Variants in ANKRD17 observed in about 807,000 individuals in gnomAD.
ANKRD17 encodes the protein ankyrin repeat domain 17, also known as ankyrin repeat domain-containing protein 17.
ANKRD17 carries 19 observed loss-of-function variants against 229.7 expected under a neutral mutation model. The observed-to-expected ratio is 0.08, with a 90% CI of 0.06 to 0.12. The LOEUF is 0.12. Ranked by LOEUF, ANKRD17 falls within the 10% of genes least tolerant of loss-of-function variation. The probability of loss-of-function intolerance (pLI) is 1.00; values close to 1 mark genes in which losing one functional copy is unlikely to be tolerated. For synonymous variants in ANKRD17, 1,112 were observed against 1,146.1 expected (o/e 0.97, Z 0.60); for missense variants, 2,176 against 3,176.8 (o/e 0.68, Z 7.57).
At chr4:73,195,698 G>A (rs1260242941) in intron 1 of ANKRD17, among the ~76,000 whole-genome samples, 2 of 151,992 alleles carry the variant, frequency 1.3e-5, no homozygotes, top group Non-Finnish European at 2.9e-5. Context: ...TAGTAGACAG[G>A]GGGTTTCACC....
At chr4:73,118,875 A>ATTTT in intron 21 of ANKRD17, 25 bp from the exon 22 acceptor site, 1 of 1,028,024 alleles carries the variant, frequency 9.7e-7, no homozygotes, top group South Asian at 1.5e-5. Flanking sequence ...CACAGATAGC[A>ATTTT]TTGTCTTTTT....
chr4:73,096,280 A>G (rs1473172582), intron 27 of ANKRD17, among the ~76,000 whole-genome samples: 1 of 152,202 alleles, frequency 6.6e-6, no homozygotes, highest in African/African-American at 2.4e-5. Flanking sequence ...ACAAAAACCA[A>G]ATTATCTTAT....
At chr4:73,254,730 T>G (rs1044445756) in intron 1 of ANKRD17, among the ~76,000 whole-genome samples, 7 of 150,466 alleles carry the variant, frequency 4.7e-5, no homozygotes, top group Non-Finnish European at 8.8e-5. Context: ...ATCAGACTGT[T>G]GCACTCCAGC....
chr4:73,090,612 T>C, intron 29 of ANKRD17, 55 bp downstream of exon 29: 1 of 1,598,548 alleles, frequency 6.3e-7, no homozygotes, highest in Non-Finnish European at 8.5e-7. Context: ...ACCAAGAATT[T>C]TCACATCACT....
At chr4:73,155,572 AATC>A (rs537010537) in intron 5 of ANKRD17, 56 bp downstream of exon 5, 16,279 of 1,588,852 alleles carry the variant, frequency 0.01, 98 homozygotes, top group Non-Finnish European at 0.013. Context: ...TTTCATGCAA[AATC>A]ATTATTACCA....
intron 2 of ANKRD17, among the ~76,000 whole-genome samples, chr4:73,167,482 T>C (rs550620695): frequency 3.3e-5 from 5 of 152,364 alleles, no homozygotes; most frequent in East Asian, 1.9e-4. Flanking sequence ...CCGTGTAACA[T>C]CTTTGAATCT....
Position 73,091,350 on chromosome 4 carries a change from G to A in ANKRD17, c.6278C>T (p.Pro2093Leu), listed in dbSNP as rs573982313. The change falls in exon 29 of 34, where the codon CCA becomes CTA. Residue 2093 changes from proline to leucine, a missense_variant. This residue lies in a region of ANKRD17 where 424 missense variants were observed against 454.0 expected (regional missense o/e 0.93). Coordinates refer to ENST00000358602, the MANE Select transcript of ANKRD17 (RefSeq NM_032217.5). ...PVVETTNTRP[P>L]NSSSSSGSSS... ...ACTCCCAGAAGAACTGCTGCTGTTTGGAGGTCTAGTGTTTGTTGTTTCTAC... is the reference window on the plus strand; with the variant it reads ...ACTCCCAGAAGAACTGCTGCTGTTTAGAGGTCTAGTGTTTGTTGTTTCTAC... 14 of 1,614,124 alleles carry A rather than the reference G, an allele frequency of 8.7e-6. No homozygotes were observed. The African/African-American group carries it at 1.7e-4, about 20-fold the overall frequency.
At chr4:73,109,417 T>C (rs982468100) in intron 24 of ANKRD17, among the ~76,000 whole-genome samples, 7 of 152,182 alleles carry the variant, frequency 4.6e-5, no homozygotes, top group Non-Finnish European at 8.8e-5. Context: ...GCTTCCATTT[T>C]CTCATTAAAG....
At chr4:73,077,573 T>C (rs764679334) in intron 31 of ANKRD17, 40 bp from the exon 32 acceptor site, 74 of 1,489,948 alleles carry the variant, frequency 5.0e-5, no homozygotes, top group Non-Finnish European at 6.4e-5. Context: ...ATAGATAATA[T>C]TTAAAATCAA....
chr4:73,118,274 G>A (rs184506904), intron 22 of ANKRD17, among the ~76,000 whole-genome samples: 3 of 152,046 alleles, frequency 2.0e-5, no homozygotes, highest in Admixed American at 6.5e-5. Context: ...GCCACCATGC[G>A]TGGCACAACC....
At chr4:73,177,060 C>T (rs896927521) in intron 2 of ANKRD17, among the ~76,000 whole-genome samples, 4 of 152,060 alleles carry the variant, frequency 2.6e-5, no homozygotes, top group Admixed American at 6.6e-5. Context: ...TATGAAAGAC[C>T]GCTAGTACTG....
At chr4:73,078,158 C>T (rs1208559490) in intron 31 of ANKRD17, among the ~76,000 whole-genome samples, 1 of 152,164 alleles carries the variant, frequency 6.6e-6, no homozygotes, top group African/African-American at 2.4e-5. Flanking sequence ...GCGGGCGGAT[C>T]ACAAGGTCAG....
chr4:73,119,427 C>T (rs1342749406), intron 21 of ANKRD17, among the ~76,000 whole-genome samples: 2 of 152,130 alleles, frequency 1.3e-5, no homozygotes, highest in African/African-American at 4.8e-5. Context: ...CTGAAATGCT[C>T]CAAAGAGCAT....
chr4:73,204,525 T>A (rs28708980), intron 1 of ANKRD17, among the ~76,000 whole-genome samples: 9 of 152,108 alleles, frequency 5.9e-5, no homozygotes, highest in African/African-American at 1.9e-4. Context: ...TATAAAAAAT[T>A]TTTTTAAAGT....
intron 1 of ANKRD17, among the ~76,000 whole-genome samples, chr4:73,233,115 T>A (rs1578480222): frequency 1.3e-5 from 2 of 152,320 alleles, no homozygotes; most frequent in East Asian, 3.9e-4. Context: ...ACCATAAGTC[T>A]TGTTACCCTC....
chr4:73,109,686 G>A (rs951080800), intron 24 of ANKRD17, among the ~76,000 whole-genome samples: 7 of 152,144 alleles, frequency 4.6e-5, no homozygotes, highest in Non-Finnish European at 1.0e-4. Context: ...ATCTAGTAAA[G>A]CTACTGTCAG....
rs1189850923 is a variant in ANKRD17 at position 73,123,589 on chromosome 4, T to C, written c.3492+1324A>G. ...ATTATGGAAAAAAATGCCTATATTA[T>C]CACTGTTAATAGATTTCAGTTCTTT... On this transcript the variant is annotated intron_variant, in intron 18 of 33. Transcript: ENST00000358602. 2.0e-5 allele frequency among the ~76,000 whole-genome samples: 3 copies of C among 152,198 alleles called. No homozygotes were observed. In the East Asian group the frequency reaches 5.8e-4, roughly 29 times the overall value.
chr4:73,133,010 G>T (rs927431827), intron 16 of ANKRD17, among the ~76,000 whole-genome samples: 14 of 152,140 alleles, frequency 9.2e-5, no homozygotes, highest in African/African-American at 3.4e-4. Context: ...ACTTTGGGTG[G>T]CTAATGCAGG....
At chr4:73,182,308 T>C (rs965577287) in intron 1 of ANKRD17, among the ~76,000 whole-genome samples, 2 of 151,986 alleles carry the variant, frequency 1.3e-5, no homozygotes, top group African/African-American at 2.4e-5. Flanking sequence ...AAATGATGTT[T>C]AGGCATAAAG....
Sources: allele counts gnomAD v4.1 joint callset (sites outside exome capture counted in the v4.1 genomes callset), GRCh38; gene constraint gnomAD v4.1.1; regional missense constraint gnomAD v4.1.1; transcripts MANE v1.5; gene names NCBI Gene and HGNC (gene_info 2026-07-23, HGNC 2026-07-21).